Variants in PLCH1 observed in about 807,000 individuals in gnomAD.
PLCH1 encodes the protein phospholipase C eta 1.
In PLCH1, 60 loss-of-function variants were observed where a neutral mutation model predicts 126.7. The ratio of observed to expected loss-of-function variants is 0.47; its 90% CI spans 0.38 to 0.59. The LOEUF is 0.59. PLCH1 is among the 20% of genes least tolerant of loss of function. The probability of loss-of-function intolerance (pLI) is 0.00; values close to 1 mark genes in which losing one functional copy is unlikely to be tolerated. For missense variants in PLCH1, 1,723 were observed against 2,040.0 expected (o/e 0.84, Z 2.99); for synonymous variants, 719 against 734.9 (o/e 0.98, Z 0.35).
At position 155,720,437 on chromosome 3, in the gene PLCH1, T is replaced by C. The variant is rs1166124226; in HGVS notation, c.-40-16173A>G. ...CTTGCAGGAGTAAGGTGGTATTGCA[T>C]TGTGGTTTTGATTTGCATTTCCCTG... On this transcript the variant is annotated intron_variant, in intron 1 of 22. Transcript: ENST00000460012. 3.3e-5 allele frequency among the ~76,000 whole-genome samples: 5 copies of C among 152,224 alleles called. No individual in the cohort carries two copies. In the South Asian group the frequency reaches 8.3e-4, roughly 25 times the overall value.
intron 2 of PLCH1, among the ~76,000 whole-genome samples, chr3:155,625,164 T>C (rs1737077416): frequency 1.3e-5 from 2 of 152,196 alleles, no homozygotes; most frequent in African/African-American, 4.8e-5. Context: ...ATTTAATAAG[T>C]GGTGTTGGGA....
At chr3:155,637,383 G>T (rs1039435924) in intron 2 of PLCH1, among the ~76,000 whole-genome samples, 7 of 152,154 alleles carry the variant, frequency 4.6e-5, no homozygotes, top group South Asian at 2.1e-4. Context: ...TATGACTTTG[G>T]CCAGGCCAGC....
chr3:155,717,536 A>G (rs780550429), intron 1 of PLCH1, among the ~76,000 whole-genome samples: 3 of 152,218 alleles, frequency 2.0e-5, no homozygotes, highest in Non-Finnish European at 4.4e-5. Context: ...GCACACCTAC[A>G]GGCTTAATTC....
At chr3:155,644,168 G>A (rs1739731672) in intron 2 of PLCH1, among the ~76,000 whole-genome samples, 3 of 152,146 alleles carry the variant, frequency 2.0e-5, no homozygotes, top group South Asian at 4.1e-4. Flanking sequence ...GAAAAATGAA[G>A]GAATATGAAG....
At chr3:155,559,735 G>A (rs1257646142) in intron 8 of PLCH1, among the ~76,000 whole-genome samples, 1 of 152,108 alleles carries the variant, frequency 6.6e-6, no homozygotes, top group Non-Finnish European at 1.5e-5. Context: ...TCTGGAGAAG[G>A]TAACCTTTTG....
At chr3:155,608,485 A>C (rs1002605196) in intron 2 of PLCH1, among the ~76,000 whole-genome samples, 1 of 151,602 alleles carries the variant, frequency 6.6e-6, no homozygotes, top group South Asian at 2.1e-4. Flanking sequence ...TATAAACTGC[A>C]CGAAGCTGCA....
At chr3:155,572,487 T>C (rs1014418444) in intron 6 of PLCH1, among the ~76,000 whole-genome samples, 4 of 152,196 alleles carry the variant, frequency 2.6e-5, no homozygotes, top group African/African-American at 4.8e-5. Flanking sequence ...TCCTTGGCAC[T>C]GTGAAATTTC....
In PLCH1 at chr3:155,481,167, C is replaced by T. The variant is rs779751853; in HGVS notation, c.4859G>A (p.Arg1620His). Residue 1620 changes from arginine (R) to histidine (H), a missense_variant, in exon 23 of 23, where the codon CGC (arginine) becomes CAC (histidine). Physicochemically the swap from Arg to His is conservative, Grantham distance 29 (BLOSUM62 0). Coordinates refer to ENST00000460012, the MANE Select transcript of PLCH1 (RefSeq NM_014996.4). The surrounding 1 kb of genome is among the most constrained non-coding windows in gnomAD (Gnocchi z 4.2). ...TGCGATGTAGGAGCCGGTGGAGTGG[C>T]GATTCACTGCAGGGGTGGGTGCTGA... ...KPSAPTPAVN[R>H]HSTGSYIAGY... 6.2e-6 allele frequency: 10 copies of T among 1,614,070 alleles called. No individual in the cohort carries two copies. Among genetic ancestry groups the T allele is most frequent in the African/African-American group, 1.3e-5 (1 of 74,938 alleles).
At chr3:155,501,136 C>A (rs1717828722) in intron 13 of PLCH1, among the ~76,000 whole-genome samples, 2 of 152,146 alleles carry the variant, frequency 1.3e-5, no homozygotes, top group African/African-American at 4.8e-5. Flanking sequence ...TTATAAGGGA[C>A]AAAATGCCCT....
At chr3:155,466,564 T>C (rs1402338439) in intron 21 of PLCH1, among the ~76,000 whole-genome samples, 1 of 152,278 alleles carries the variant, frequency 6.6e-6, no homozygotes, top group East Asian at 1.9e-4. Flanking sequence ...AAATACCTGA[T>C]TTTTCAATGC....
At chr3:155,700,326 T>C (rs2109071160) in intron 2 of PLCH1, among the ~76,000 whole-genome samples, 1 of 152,318 alleles carries the variant, frequency 6.6e-6, no homozygotes, top group African/African-American at 2.4e-5. Flanking sequence ...TAAAATGTAG[T>C]TCTGAGGCAA....
At chr3:155,668,084 CAAAAAAAAAAAAAA>C (rs756879174) in intron 2 of PLCH1, among the ~76,000 whole-genome samples, 2 of 38,006 alleles carry the variant, frequency 5.3e-5, no homozygotes, top group Non-Finnish European at 9.9e-5. Flanking sequence ...GACTCCATCT[CAAAAAAAAAAAAAA>C]AAAAAAAAAG....
rs143863004 is a variant in PLCH1 at position 155,561,874 on chromosome 3, T to C, written c.1069+3041A>G. On this transcript the variant is annotated intron_variant, in intron 8 of 22. Coordinates refer to ENST00000460012, the MANE Select transcript of PLCH1 (RefSeq NM_014996.4). Reference sequence around the variant, plus strand: ...TCGGCTCACTGCAACCTCTGCCTCCTGGGTTCAAGTGATTCTCCTGCCTCA... The same window carrying C: ...TCGGCTCACTGCAACCTCTGCCTCCCGGGTTCAAGTGATTCTCCTGCCTCA... 7.7e-3 allele frequency among the ~76,000 whole-genome samples: 1,171 copies of C among 152,208 alleles called. 14 individuals carry two copies. Among genetic ancestry groups the C allele is most frequent in the African/African-American group, 0.027 (1,115 of 41,534 alleles).
chr3:155,589,654 T>A (rs1278035480), intron 4 of PLCH1, among the ~76,000 whole-genome samples: 5 of 152,172 alleles, frequency 3.3e-5, no homozygotes, highest in African/African-American at 1.2e-4. Context: ...TGAAGGAGAA[T>A]GGTCTGATAG....
chr3:155,512,341 G>A (rs148087404), intron 12 of PLCH1, among the ~76,000 whole-genome samples: 3 of 152,148 alleles, frequency 2.0e-5, no homozygotes, highest in East Asian at 1.9e-4. Flanking sequence ...TATACATAAC[G>A]ACAAGAGCAA....
chr3:155,741,684 C>CTTTTATTTTTTTTTTTTTTTA, intron 1 of PLCH1, among the ~76,000 whole-genome samples: 2 of 102,868 alleles, frequency 1.9e-5, no homozygotes, highest in African/African-American at 9.6e-5. Flanking sequence ...TTTATATCCT[C>CTTTTATTTTTTTTTTTTTTTA]TTTTTTTTTT....
intron 2 of PLCH1, among the ~76,000 whole-genome samples, chr3:155,617,905 C>A (rs1335083885): frequency 6.6e-6 from 1 of 152,090 alleles, no homozygotes; most frequent in Non-Finnish European, 1.5e-5. Context: ...CTTTGGACCT[C>A]CATAGGAGAG....
rs568047666 is a variant in PLCH1, at chr3:155,566,707, A to G, written c.865+1524T>C. Among the ~76,000 whole-genome samples the G allele has an allele frequency of 9.9e-5, 15 of 152,276 alleles. No individual in the cohort carries two copies. The South Asian group carries it at 2.9e-3, about 29-fold the overall frequency. On this transcript the variant is annotated intron_variant, in intron 7 of 22. Transcript: ENST00000460012. ...AACTTTGAAATAGTCCTTTAAGATT[A>G]TTTAGAAAACCCTATCAGTTTTTTT...
chr3:155,501,730 G>C (rs2108145478), intron 13 of PLCH1, among the ~76,000 whole-genome samples: 1 of 151,576 alleles, frequency 6.6e-6, no homozygotes, highest in African/African-American at 2.4e-5. Context: ...AGGAGGTGGA[G>C]GTTGCAGCGA....
Sources: gnomAD v4.1 joint callset for allele counts (sites outside exome capture counted in the v4.1 genomes callset) on GRCh38, gnomAD v4.1.1 for gene constraint, Gnocchi (gnomAD v3.1) non-coding constraint, MANE v1.5 for transcripts, NCBI Gene and HGNC (gene_info 2026-07-23, HGNC 2026-07-21) for gene names.